Variants in NME8 observed in about 807,000 individuals in gnomAD.
The protein encoded by NME8 is NME/NM23 family member 8.
NME8 carries 72 observed loss-of-function variants against 82.3 expected under a neutral mutation model. The observed-to-expected ratio is 0.87, with a 90% CI of 0.72 to 1.06. NME8 has a LOEUF of 1.06. Among genes scored for constraint, NME8 ranks in the 50% least tolerant of loss-of-function variants. The pLI, the probability that NME8 is intolerant of heterozygous loss-of-function variation, is 0.00. For synonymous variants in NME8, 267 were observed against 228.5 expected (o/e 1.17, Z -1.52); for missense variants, 712 against 685.4 (o/e 1.04, Z -0.43).
At position 37,888,332 on chromosome 7, in the gene NME8, G is replaced by A. The variant is rs372513137; in HGVS notation, c.1303G>A (p.Asp435Asn). The change falls in exon 15 of 18, where the codon GAT becomes AAT. Residue 435 changes from aspartate to asparagine, a missense_variant. Asp to Asn is a conservative substitution (Grantham distance 23, BLOSUM62 1). Transcript: ENST00000199447. ...GCCGGTCAACCAGTTGTATGGCAGC[G>A]ATTCATTAGAAACCGCTGAAAGGGA... ...SLPVNQLYGS[D>N]SLETAEREIQ... The A allele has an allele frequency of 3.7e-6, 6 of 1,613,578 alleles. No homozygotes were observed. Among genetic ancestry groups the A allele is most frequent in the South Asian group, 1.1e-5 (1 of 91,070 alleles).
At chr7:37,851,471 A>T (rs941064544) in intron 5 of NME8, among the ~76,000 whole-genome samples, 12 of 138,518 alleles carry the variant, frequency 8.7e-5, no homozygotes, top group Non-Finnish European at 1.4e-4. Flanking sequence ...TTAAGGATTA[A>T]TTATTTCTGA....
At chr7:37,897,516 A>G (rs756721885) in intron 17 of NME8, among the ~76,000 whole-genome samples, 1 of 152,120 alleles carries the variant, frequency 6.6e-6, no homozygotes, top group African/African-American at 2.4e-5. Flanking sequence ...TTTTATCTTT[A>G]TTTGTTCTAA....
chr7:37,855,889 C>G (rs186553661), intron 5 of NME8, among the ~76,000 whole-genome samples: 54 of 152,144 alleles, frequency 3.5e-4, no homozygotes, highest in African/African-American at 1.3e-3. Flanking sequence ...AGTGCAAGAT[C>G]TATATGCCTG....
chr7:37,867,145 GTCTGTCC>G (rs897284830), intron 10 of NME8, among the ~76,000 whole-genome samples: 1 of 152,128 alleles, frequency 6.6e-6, no homozygotes, highest in Non-Finnish European at 1.5e-5. Flanking sequence ...TTTTGGCTCT[GTCTGTCC>G]TCTGTCCCCT....
intron 7 of NME8, among the ~76,000 whole-genome samples, 198 bp downstream of exon 7, chr7:37,862,342 A>G (rs1393006754): frequency 6.6e-6 from 1 of 152,180 alleles, no homozygotes; most frequent in Non-Finnish European, 1.5e-5. Flanking sequence ...AGGTGTGTAA[A>G]TGGTGCAACT....
At chr7:37,870,845 G>T (rs1253745288) in intron 11 of NME8, among the ~76,000 whole-genome samples, 5 of 152,096 alleles carry the variant, frequency 3.3e-5, no homozygotes, top group Non-Finnish European at 7.4e-5. Flanking sequence ...AGGACAGAGG[G>T]GAAGCTTTCC....
At position 37,850,363 on chromosome 7, in the gene NME8, C is replaced by T; in HGVS notation, c.34-15C>T. On this transcript the variant is annotated splice_polypyrimidine_tract_variant and intron_variant, in intron 3 of 17. Coordinates refer to ENST00000199447, the MANE Select transcript of NME8 (RefSeq NM_016616.5). ...TAGTGCTTGAATACCTTTTACAGTGCCTTCCACTTTGCAGACAGTCATCAA... is the reference window on the plus strand; with the variant it reads ...TAGTGCTTGAATACCTTTTACAGTGTCTTCCACTTTGCAGACAGTCATCAA... The T allele has an allele frequency of 6.2e-7, 1 of 1,614,048 alleles. No individual in the cohort carries two copies. Among genetic ancestry groups the T allele is most frequent in the East Asian group, 2.2e-5 (1 of 44,876 alleles).
At chr7:37,855,739 C>A (rs1020884529) in intron 5 of NME8, among the ~76,000 whole-genome samples, 2 of 152,152 alleles carry the variant, frequency 1.3e-5, no homozygotes, top group African/African-American at 2.4e-5. Context: ...CCCTCGCTTA[C>A]TTTTGCTTTA....
intron 6 of NME8, among the ~76,000 whole-genome samples, chr7:37,860,679 G>A (rs768157285): frequency 6.6e-6 from 1 of 152,018 alleles, no homozygotes; most frequent in South Asian, 2.1e-4. Context: ...AATAAATCAC[G>A]TTTACATCTT....
At chr7:37,898,842 A>G (rs977230270) in intron 17 of NME8, among the ~76,000 whole-genome samples, 3 of 152,186 alleles carry the variant, frequency 2.0e-5, no homozygotes, top group Non-Finnish European at 2.9e-5. Flanking sequence ...TGTATACTCA[A>G]ATGGTTGCAA....
intron 15 of NME8, among the ~76,000 whole-genome samples, chr7:37,892,036 T>G (rs752968849): frequency 1.4e-4 from 22 of 152,042 alleles, no homozygotes; most frequent in Admixed American, 9.2e-4. Flanking sequence ...ACATTTTTTT[T>G]CTTGGAGTTT....
intron 11 of NME8, among the ~76,000 whole-genome samples, chr7:37,869,663 T>C (rs1784740177): frequency 6.6e-6 from 1 of 152,162 alleles, no homozygotes; most frequent in Non-Finnish European, 1.5e-5. Flanking sequence ...ATGAAATGTG[T>C]ACACCTTGCT....
intron 5 of NME8, 62 bp from the exon 6 acceptor site, chr7:37,857,212 G>A (rs1784524291): frequency 3.3e-6 from 4 of 1,212,488 alleles, no homozygotes; most frequent in Middle Eastern, 2.6e-4. Context: ...TTTCAACATA[G>A]TGTATCAAAT....
At chr7:37,895,272 C>T (rs985690018) in intron 16 of NME8, among the ~76,000 whole-genome samples, 1 of 152,160 alleles carries the variant, frequency 6.6e-6, no homozygotes, top group Non-Finnish European at 1.5e-5. Context: ...CCTGACAACA[C>T]ATACTTTTAT....
At chr7:37,861,918 T>G in intron 6 of NME8, 110 bp from the exon 7 acceptor site, 3 of 790,738 alleles carry the variant, frequency 3.8e-6, no homozygotes, top group Non-Finnish European at 7.0e-6. Flanking sequence ...AGAGGATTCA[T>G]GAGGATGAGA....
At chr7:37,875,614 A>G (rs554268688) in intron 11 of NME8, among the ~76,000 whole-genome samples, 3 of 151,996 alleles carry the variant, frequency 2.0e-5, no homozygotes, top group Admixed American at 6.6e-5. Context: ...TTTCTCATCT[A>G]TATTCTGTTT....
Position 37,875,506 on chromosome 7 carries a change from G to T in NME8, c.819-1326G>T, listed in dbSNP as rs191505126. On this transcript the variant is annotated intron_variant, in intron 11 of 17. Transcript: ENST00000199447. ...AAATATGGGACAGTGTTAACAGTTG[G>T]TGAACCTAGATGAAGGGTGTAAATG... 4.9e-3 allele frequency among the ~76,000 whole-genome samples: 744 copies of T among 152,074 alleles called. 5 individuals carry two copies. The highest frequency in any genetic ancestry group is 0.014 in the Middle Eastern group (4 of 294).
intron 5 of NME8, among the ~76,000 whole-genome samples, chr7:37,853,566 C>A (rs1784466875): frequency 6.6e-6 from 1 of 152,130 alleles, no homozygotes; most frequent in African/African-American, 2.4e-5. Flanking sequence ...TGAATCCTGG[C>A]AGTTGGCATT....
chr7:37,894,349 CA>C, intron 15 of NME8, 116 bp from the exon 16 acceptor site: 1 of 1,058,802 alleles, frequency 9.4e-7, no homozygotes, highest in African/African-American at 1.6e-5. Flanking sequence ...AGAGTTTTGC[CA>C]TGTTAAACCA....
Sources: gnomAD v4.1 joint callset for allele counts (sites outside exome capture counted in the v4.1 genomes callset) on GRCh38, gnomAD v4.1.1 for gene constraint, MANE v1.5 for transcripts, NCBI Gene and HGNC (gene_info 2026-07-23, HGNC 2026-07-21) for gene names.